The following RBPJ variants were observed in gnomAD, a reference collection of about 807,000 sequenced individuals.
RBPJ encodes recombining binding protein suppressor of hairless.
RBPJ carries 9 observed loss-of-function variants against 67.8 expected under a neutral mutation model. The observed-to-expected ratio is 0.13, with a 90% CI of 0.08 to 0.23. RBPJ has a LOEUF of 0.23. RBPJ is among the 10% of genes least tolerant of loss of function. RBPJ has a pLI of 1.00. For synonymous variants in RBPJ, 198 were observed against 203.3 expected (o/e 0.97, Z 0.22); for missense variants, 305 against 595.6 (o/e 0.51, Z 5.08).
intron 4 of RBPJ, 94 bp downstream of exon 4, chr4:26,415,734 A>G: frequency 2.5e-6 from 3 of 1,222,980 alleles, no homozygotes; most frequent in African/African-American, 1.5e-5. Flanking sequence ...TTTTTCTTTA[A>G]TAACTATTGG....
At chr4:26,158,232 G>A in the RBPJ span, among the ~76,000 whole-genome samples, 1 of 152,160 alleles carries the variant, frequency 6.6e-6, no homozygotes, top group Admixed American at 6.5e-5. Flanking sequence ...GGTGGAGACT[G>A]TCTAAGGATG....
At chr4:26,262,076 G>A (rs1720557081) in intron 1 of RBPJ, among the ~76,000 whole-genome samples, 1 of 152,068 alleles carries the variant, frequency 6.6e-6, no homozygotes, top group African/African-American at 2.4e-5. Flanking sequence ...CTCCTAAGTA[G>A]GTGGGGCTAC....
intron 2 of RBPJ, among the ~76,000 whole-genome samples, chr4:26,402,623 T>G (rs1377640281): frequency 6.6e-6 from 1 of 152,240 alleles, no homozygotes; most frequent in Non-Finnish European, 1.5e-5. Flanking sequence ...GATTGCTCCC[T>G]TCTTTCGAGG....
chr4:26,193,675 A>G (rs1239230469), intron 1 of RBPJ, among the ~76,000 whole-genome samples: 1 of 152,150 alleles, frequency 6.6e-6, no homozygotes, highest in African/African-American at 2.4e-5. Context: ...CAGAATTGCA[A>G]TCGCTGCTGT....
intron 1 of RBPJ, among the ~76,000 whole-genome samples, chr4:26,255,577 C>T (rs13121234): frequency 0.6 from 89,995 of 148,992 alleles, 29,113 homozygotes; most frequent in East Asian, 0.81. Context: ...CCAAGGCGGG[C>T]GGATCACGAG....
At chr4:26,202,477 C>T (rs890964606) in intron 1 of RBPJ, among the ~76,000 whole-genome samples, 15 of 151,714 alleles carry the variant, frequency 9.9e-5, no homozygotes, top group Admixed American at 7.2e-4. Context: ...TCACTCTTTC[C>T]TATCTCAATA....
chr4:26,171,508 G>A (rs2009774848), intron 1 of RBPJ, among the ~76,000 whole-genome samples: 1 of 152,214 alleles, frequency 6.6e-6, no homozygotes, highest in South Asian at 2.1e-4. Flanking sequence ...GTTAGAGGCT[G>A]CAGTGAGCCG....
intron 1 of RBPJ, among the ~76,000 whole-genome samples, chr4:26,221,471 G>C (rs1044568143): frequency 1.3e-5 from 2 of 152,040 alleles, no homozygotes; most frequent in African/African-American, 4.8e-5. Flanking sequence ...ATCCTGTTAA[G>C]GGACCAACAG....
chr4:26,373,805 T>C (rs1309498239), intron 1 of RBPJ, among the ~76,000 whole-genome samples: 1 of 152,156 alleles, frequency 6.6e-6, no homozygotes, highest in Admixed American at 6.5e-5. Flanking sequence ...GACATACATA[T>C]ATGTGCACAC....
chr4:26,183,677 T>A (rs2109131381), intron 1 of RBPJ, among the ~76,000 whole-genome samples: 2 of 152,310 alleles, frequency 1.3e-5, no homozygotes, highest in South Asian at 2.1e-4. Flanking sequence ...GCAGCCTTCT[T>A]ACCAGGACTG....
intron 1 of RBPJ, among the ~76,000 whole-genome samples, chr4:26,209,581 GTCTCCCTCCCTTCCTCCTTCCCTC>G (rs1560211393): frequency 2.1e-5 from 1 of 48,060 alleles, no homozygotes. Context: ...CTCCTTCCCT[GTCTCCCTCCCTTCCTCCTTCCCTC>G]TCTCCCTCCC....
intron 1 of RBPJ, among the ~76,000 whole-genome samples, chr4:26,194,134 C>T (rs529132687): frequency 6.6e-6 from 1 of 152,324 alleles, no homozygotes; most frequent in East Asian, 1.9e-4. Flanking sequence ...GAACATTCAT[C>T]CCGTTTACTT....
Position 26,424,533 on chromosome 4 carries a change from T to C in RBPJ, c.634+54T>C, listed in dbSNP as rs1473373874. ...TTTAGTGTGAAATTGTTAAAATCTT[T>C]TGATGAGATACATGGATATATTAAG... On this transcript the variant is annotated intron_variant, in intron 6 of 10. Coordinates refer to ENST00000355476, the MANE Select transcript of RBPJ (RefSeq NM_015874.6). This position sits in a 1 kb window ranked among gnomAD's most constrained non-coding sequence, Gnocchi z 5.3. The C allele has an allele frequency of 2.8e-5, 44 of 1,583,832 alleles. No individual in the cohort carries two copies. The highest frequency in any genetic ancestry group is 3.5e-5 in the Non-Finnish European group (41 of 1,155,638).
chr4:26,318,141 A>T (rs1449469325), upstream of RBPJ, among the ~76,000 whole-genome samples: 1 of 152,074 alleles, frequency 6.6e-6, no homozygotes, highest in Non-Finnish European at 1.5e-5. Context: ...ACACACACAC[A>T]CACACACACC....
chr4:26,123,220 T>C, the RBPJ span, among the ~76,000 whole-genome samples: 61,424 of 151,968 alleles, frequency 0.4, 13,142 homozygotes, highest in Non-Finnish European at 0.46. Context: ...GGACAGCATG[T>C]GACTGTACTT....
chr4:26,352,613 G>T (rs931661864), intron 1 of RBPJ, among the ~76,000 whole-genome samples: 1 of 152,224 alleles, frequency 6.6e-6, no homozygotes, highest in African/African-American at 2.4e-5. Context: ...CTAGGAAGGA[G>T]AATCACTTGA....
At chr4:26,282,710 G>T (rs1351537868) in intron 1 of RBPJ, among the ~76,000 whole-genome samples, 1 of 151,606 alleles carries the variant, frequency 6.6e-6, no homozygotes, top group East Asian at 1.9e-4. Context: ...CAATACAGAC[G>T]AGGTTTCTCC....
chr4:26,403,869 A>G (rs1733107855), intron 2 of RBPJ, among the ~76,000 whole-genome samples: 1 of 152,192 alleles, frequency 6.6e-6, no homozygotes, highest in South Asian at 2.1e-4. Flanking sequence ...TCTCTGTGGT[A>G]GAATGATTTA....
the RBPJ span, among the ~76,000 whole-genome samples, chr4:26,109,523 C>CATAT: frequency 6.1e-4 from 27 of 44,406 alleles, no homozygotes; most frequent in African/African-American, 1.7e-3. Flanking sequence ...TACACACACA[C>CATAT]ATATATATAT....
Sources: allele counts gnomAD v4.1 joint callset (sites outside exome capture counted in the v4.1 genomes callset), GRCh38; gene constraint gnomAD v4.1.1; non-coding constraint Gnocchi (gnomAD v3.1); transcripts MANE v1.5; gene names NCBI Gene and HGNC (gene_info 2026-07-23, HGNC 2026-07-21).